The following PPP2R1B variants were observed in gnomAD, a reference collection of about 807,000 sequenced individuals.
PPP2R1B encodes serine/threonine-protein phosphatase 2A 65 kDa regulatory subunit A beta isoform.
PPP2R1B carries 58 observed loss-of-function variants against 72.7 expected under a neutral mutation model. The observed-to-expected ratio is 0.80, with a 90% CI of 0.65 to 0.99. The LOEUF (loss-of-function observed/expected upper bound fraction) is 0.99. PPP2R1B is among the 50% of genes least tolerant of loss of function. The probability of loss-of-function intolerance (pLI) is 0.00; values close to 1 mark genes in which losing one functional copy is unlikely to be tolerated. For missense variants in PPP2R1B, 695 were observed against 733.6 expected, an observed-to-expected ratio of 0.95 and a Z score of 0.61; for synonymous variants, 256 against 264.6, an observed-to-expected ratio of 0.97 and a Z score of 0.32.
intron 9 of PPP2R1B, among the ~76,000 whole-genome samples, chr11:111,752,853 C>T (rs112522671): frequency 2.0e-5 from 3 of 152,288 alleles, no homozygotes; most frequent in African/African-American, 7.2e-5. Flanking sequence ...GTCCCAGCTA[C>T]TCAGGAGGCT....
downstream of PPP2R1B, chr11:111,722,841 A>G (rs1296111523): frequency 1.6e-6 from 2 of 1,249,170 alleles, no homozygotes; most frequent in Non-Finnish European, 2.3e-6. The surrounding 1 kb of genome is among the most constrained non-coding windows in gnomAD (Gnocchi z 4.4). Context: ...TTCCTCTCAC[A>G]TTCGCCACTA....
At chr11:111,690,793 C>A in the PPP2R1B span, among the ~76,000 whole-genome samples, 3 of 152,152 alleles carry the variant, frequency 2.0e-5, no homozygotes, top group Non-Finnish European at 2.9e-5. Context: ...TGAACTCATT[C>A]TTTTTTTATG....
chr11:111,715,592 CCTTT>C, the PPP2R1B span, among the ~76,000 whole-genome samples: 2 of 152,030 alleles, frequency 1.3e-5, no homozygotes, highest in Non-Finnish European at 2.9e-5. Context: ...AAAAATATTG[CCTTT>C]CTGAGATAGT....
chr11:111,703,417 C>A, the PPP2R1B span: 2 of 1,613,424 alleles, frequency 1.2e-6, no homozygotes, highest in African/African-American at 2.7e-5. Flanking sequence ...AGCAGAAAAC[C>A]ATTGAGGTAA....
intron 15 of PPP2R1B, among the ~76,000 whole-genome samples, chr11:111,731,388 A>AGTAG (rs1184422818): frequency 2.0e-5 from 3 of 151,762 alleles, no homozygotes; most frequent in African/African-American, 7.3e-5. Context: ...ACGTGCGCTC[A>AGTAG]CACAGTGCAT....
At chr11:111,751,348 A>G (rs879950810) in intron 10 of PPP2R1B, among the ~76,000 whole-genome samples, 1 of 152,058 alleles carries the variant, frequency 6.6e-6, no homozygotes, top group Admixed American at 6.6e-5. Context: ...ATATTATAAA[A>G]TTTACATTAT....
the PPP2R1B span, chr11:111,712,427 G>A: frequency 6.4e-7 from 1 of 1,565,140 alleles, no homozygotes; most frequent in Non-Finnish European, 8.7e-7. Flanking sequence ...AGAGATTTCA[G>A]TTTGGTCCAC....
rs782490707 is a variant in PPP2R1B, at chr11:111,764,941, TA to T, written c.206-37del. On this transcript the variant is annotated intron_variant, in intron 2 of 14. Transcript: ENST00000527614. Reference sequence around the variant, plus strand: ...CAACAACAGGACTCATCAACATGGATAGCTCTCCCACAGCTGGACACTGACA... The same window carrying T: ...CAACAACAGGACTCATCAACATGGATGCTCTCCCACAGCTGGACACTGACA... The T allele has an allele frequency of 4.8e-5, 77 of 1,608,792 alleles. No individual in the cohort carries two copies. In the Admixed American group the frequency reaches 1.3e-3, roughly 27 times the overall value.
chr11:111,753,485 A>G lies in PPP2R1B; in HGVS notation c.1122T>C (p.Ile374=). The part of the protein sequence containing the change: ...LSTILGKENT[I]EHLLPLFLAQ... ...CTAAGAAAAGAGGTAGAAGATGTTCAATGGTATTTTCTTTGCCCAAAATAG... is the reference window on the plus strand; with the variant it reads ...CTAAGAAAAGAGGTAGAAGATGTTCGATGGTATTTTCTTTGCCCAAAATAG... Residue 374 remains isoleucine (I), a synonymous_variant, in exon 9 of 15, where the codon ATT becomes ATC. Transcript: ENST00000527614. 6.2e-7 allele frequency: 1 copy of G among 1,613,948 alleles called. No individual in the cohort carries two copies. Among genetic ancestry groups the G allele is most frequent in the Non-Finnish European group, 8.5e-7 (1 of 1,179,910 alleles).
chr11:111,722,772 T>G, downstream of PPP2R1B: 1 of 1,609,874 alleles, frequency 6.2e-7, no homozygotes, highest in South Asian at 1.1e-5. This position sits in a 1 kb window ranked among gnomAD's most constrained non-coding sequence, Gnocchi z 4.4. Context: ...AAGGGGACTT[T>G]GGCCAAAGAA....
intron 11 of PPP2R1B, among the ~76,000 whole-genome samples, chr11:111,745,520 G>A (rs932314729): frequency 1.3e-5 from 2 of 152,082 alleles, no homozygotes; most frequent in African/African-American, 2.4e-5. Context: ...TATGTTCTTG[G>A]TTCCTCTGAC....
At chr11:111,744,108 G>A (rs898894200) in intron 11 of PPP2R1B, among the ~76,000 whole-genome samples, 2 of 152,198 alleles carry the variant, frequency 1.3e-5, no homozygotes, top group Non-Finnish European at 2.9e-5. Context: ...ACTGAAACCT[G>A]TGAGACTTCT....
In PPP2R1B at chr11:111,740,462, C is replaced by A. The variant is rs1394903411; in HGVS notation, c.*1134G>T. Reference sequence around the variant, plus strand: ...CTCGAATTCTTGACCTCAAATGATCCCAAATAGGTGCTTTTTAAAAAGGGC... The same window carrying A: ...CTCGAATTCTTGACCTCAAATGATCACAAATAGGTGCTTTTTAAAAAGGGC... On this transcript the variant is annotated 3_prime_UTR_variant, in exon 15 of 15. Coordinates refer to ENST00000527614, the MANE Select transcript of PPP2R1B (RefSeq NM_002716.5). 3 of 982,910 alleles carry A rather than the reference C, an allele frequency of 3.1e-6. No homozygotes were observed. Among genetic ancestry groups the A allele is most frequent in the African/African-American group, 1.8e-5 (1 of 57,100 alleles). The allele number at this position is 982,910 out of a possible 1,614,324, so 60.9% of individuals were successfully genotyped here.
the PPP2R1B span, among the ~76,000 whole-genome samples, chr11:111,693,331 CAAAAAAAA>C: frequency 1.1e-5 from 1 of 93,658 alleles, no homozygotes; most frequent in African/African-American, 4.0e-5. Context: ...GACTCCGTCT[CAAAAAAAA>C]AAAAAAAACT....
At position 111,740,039 on chromosome 11, in the gene PPP2R1B, C is replaced by A; in HGVS notation, c.*1557G>T. 1.0e-6 allele frequency: 1 copy of A among 984,730 alleles called. No homozygotes were observed. Among genetic ancestry groups the A allele is most frequent in the Non-Finnish European group, 1.2e-6 (1 of 829,356 alleles). 61.0% of individuals were successfully genotyped at this position (984,730 alleles called of 1,614,324 possible). On this transcript the variant is annotated 3_prime_UTR_variant, in exon 15 of 15. Coordinates refer to ENST00000527614, the MANE Select transcript of PPP2R1B (RefSeq NM_002716.5). ...ACAAAGTCTTAGAGGAGTCTTTGGG[C>A]CTTCACTAAACAGAACAGGACTTGT...
chr11:111,761,048 G>A lies in PPP2R1B; in HGVS notation c.310C>T (p.Pro104Ser), dbSNP rs1359706288. The change falls in exon 4 of 15, where the codon CCT (proline) becomes TCT (serine). Residue 104 changes from proline to serine, a missense_variant. Pro to Ser is a moderately conservative substitution (Grantham distance 74). Coordinates refer to ENST00000527614, the MANE Select transcript of PPP2R1B (RefSeq NM_002716.5). ...TCCACAGTTGCCAGATTTTCCAAAG[G>A]AGGCTGAATGGATTAAAAAGGAAAA... ...GPDFAHCLLP[P>S]LENLATVEET... is the part of the protein sequence containing the mutation. The A allele has an allele frequency of 3.1e-6, 5 of 1,613,364 alleles. No homozygotes were observed. The highest frequency in any genetic ancestry group is 4.2e-6 in the Non-Finnish European group (5 of 1,179,608).
chr11:111,710,807 A>C, the PPP2R1B span, among the ~76,000 whole-genome samples: 1 of 152,242 alleles, frequency 6.6e-6, no homozygotes, highest in Non-Finnish European at 1.5e-5. Context: ...CCAGGAATCA[A>C]ACTCAGGTCT....
chr11:111,759,984 C>T, intron 4 of PPP2R1B, 33 bp from the exon 5 acceptor site: 1 of 1,604,326 alleles, frequency 6.2e-7, no homozygotes, highest in Non-Finnish European at 8.5e-7. Flanking sequence ...TATTTCCCAT[C>T]AAATAACACT....
At chr11:111,761,192 A>G (rs1555051332) in intron 3 of PPP2R1B, 141 bp from the exon 4 acceptor site, 2 of 787,522 alleles carry the variant, frequency 2.5e-6, no homozygotes, top group Non-Finnish European at 4.3e-6. Flanking sequence ...GGTTACTTTC[A>G]GCTCACACAG....
Sources: gnomAD v4.1 joint callset for allele counts (sites outside exome capture counted in the v4.1 genomes callset) on GRCh38, gnomAD v4.1.1 for gene constraint, Gnocchi (gnomAD v3.1) non-coding constraint, MANE v1.5 for transcripts, NCBI Gene and HGNC (gene_info 2026-07-23, HGNC 2026-07-21) for gene names.